BRCA2: variants seen among roughly 807,000 people sequenced by gnomAD.
BRCA2 encodes the protein breast cancer type 2 susceptibility protein.
A neutral mutation model predicts 276.7 loss-of-function variants in BRCA2; 203 were observed. The ratio of observed to expected loss-of-function variants is 0.73; its 90% CI spans 0.65 to 0.82. The LOEUF is 0.82. BRCA2 is among the 40% of genes least tolerant of loss of function. BRCA2 has a pLI of 0.00. For synonymous variants in BRCA2, 1,289 were observed against 1,338.4 expected, an observed-to-expected ratio of 0.96 and a Z score of 0.81; for missense variants, 3,920 against 3,915.0, an observed-to-expected ratio of 1.00 and a Z score of -0.03.
intron 24 of BRCA2, chr13:32,386,001 T>C (rs922333334): frequency 2.3e-5 from 4 of 176,386 alleles, no homozygotes; most frequent in Admixed American, 5.6e-5. Flanking sequence ...TTAAGCCTCC[T>C]TAGGTTTCTG....
intron 18 of BRCA2, among the ~76,000 whole-genome samples, chr13:32,367,496 C>T (rs930893483): frequency 1.3e-5 from 2 of 151,634 alleles, no homozygotes; most frequent in African/African-American, 4.8e-5. Flanking sequence ...ATGATAACTT[C>T]TATTCTCATT....
intron 3 of BRCA2, among the ~76,000 whole-genome samples, chr13:32,320,983 G>A (rs2138708913): frequency 6.6e-6 from 1 of 152,258 alleles, no homozygotes; most frequent in East Asian, 1.9e-4. Flanking sequence ...CTACCTGAAT[G>A]ATCCCTATAG....
rs876659513 is a variant in BRCA2 at position 32,333,093 on chromosome 13, G to A, written c.1615G>A (p.Gly539Arg). ...AAAAGAAACTGAAGCCTCTGAAAGTGGACTGGAAATACATACTGTTTGCTC... is the reference window on the plus strand; with the variant it reads ...AAAAGAAACTGAAGCCTCTGAAAGTAGACTGGAAATACATACTGTTTGCTC... ...FKKETEASESGLEIHTVCSQK... is the reference protein window; with the variant it reads ...FKKETEASESRLEIHTVCSQK... The change falls in exon 10 of 27, where the codon GGA (glycine) becomes AGA (arginine). Residue 539 changes from glycine (G) to arginine (R), a missense_variant. Physicochemically the swap from Gly to Arg is moderately radical, Grantham distance 125. Around this residue, in one of 2 missense-constraint regions of BRCA2, gnomAD observed 3,263 missense variants for 3,156.9 expected, o/e 1.03. Transcript: ENST00000380152. 1.9e-6 allele frequency: 3 copies of A among 1,612,908 alleles called. No individual in the cohort carries two copies. Among genetic ancestry groups the A allele is most frequent in the Non-Finnish European group, 2.5e-6 (3 of 1,179,776 alleles).
chr13:32,362,591 G>T lies in BRCA2; in HGVS notation c.7874G>T (p.Arg2625Ile), dbSNP rs864622552. Residue 2625 changes from arginine to isoleucine, a missense_variant, in exon 17 of 27, where the codon AGA (arginine) becomes ATA (isoleucine). Arg to Ile is a moderately conservative substitution (Grantham distance 97). Around this residue, in one of 2 missense-constraint regions of BRCA2, gnomAD observed 3,263 missense variants for 3,156.9 expected, o/e 1.03. Transcript: ENST00000380152. ...ISRIWVYNHYRWIIWKLAAME... is the reference protein window; with the variant it reads ...ISRIWVYNHYIWIIWKLAAME... ...AGAATTTGGGTTTATAATCACTATA[G>T]ATGGATCATATGGAAACTGGCAGCT... 6.2e-7 allele frequency: 1 copy of T among 1,614,108 alleles called. No individual in the cohort carries two copies. Among genetic ancestry groups the T allele is most frequent in the Non-Finnish European group, 8.5e-7 (1 of 1,179,976 alleles).
At position 32,379,351 on chromosome 13, in the gene BRCA2, A is replaced by G. The variant is rs397508008; in HGVS notation, c.8789A>G (p.Asn2930Ser). 1 of 1,613,898 alleles carries G rather than the reference A, an allele frequency of 6.2e-7. No individual in the cohort carries two copies. Among genetic ancestry groups the G allele is most frequent in the Non-Finnish European group, 8.5e-7 (1 of 1,179,870 alleles). ...YFSEEQLRAL[N>S]NHRQMLNDKK... ...AGTGAAGAGCAGTTAAGAGCCTTGA[A>G]TAATCACAGGCAAATGTTGAATGAT... Residue 2930 changes from asparagine (N) to serine (S), a missense_variant, in exon 22 of 27, where the codon AAT becomes AGT. Physicochemically the swap from Asn to Ser is conservative, Grantham distance 46 (BLOSUM62 1). Coordinates refer to ENST00000380152, the MANE Select transcript of BRCA2 (RefSeq NM_000059.4).
In BRCA2 at chr13:32,338,417, G is replaced by T. The variant is rs768735660; in HGVS notation, c.4062G>T (p.Thr1354=). Residue 1354 remains threonine, a synonymous_variant, in exon 11 of 27, where the codon ACG becomes ACT. Transcript: ENST00000380152. ...NDTVCIHKDE[T]DLLFTDQHNI... is the part of the protein sequence containing the mutation. Reference sequence around the variant, plus strand: ...CTGTTTGTATTCATAAAGATGAAACGGACTTGCTATTTACTGATCAGCACA... The same window carrying T: ...CTGTTTGTATTCATAAAGATGAAACTGACTTGCTATTTACTGATCAGCACA... 2 of 1,605,072 alleles carry T rather than the reference G, an allele frequency of 1.2e-6. No individual in the cohort carries two copies. Among genetic ancestry groups the T allele is most frequent in the Admixed American group, 1.7e-5 (1 of 58,080 alleles).
rs749258007 is a variant in BRCA2, at chr13:32,337,060, C to T, written c.2705C>T (p.Ala902Val). The change falls in exon 11 of 27, where the codon GCT (alanine) becomes GTT (valine). Residue 902 changes from alanine to valine, a missense_variant. This residue lies in a region of BRCA2 where 3,263 missense variants were observed against 3,156.9 expected (regional missense o/e 1.03). Transcript: ENST00000380152. ...FQVANERNNL[A>V]LGNTKELHET... is the part of the protein sequence containing the mutation. ...GTAGCTAATGAAAGGAATAATCTTG[C>T]TTTAGGAAATACTAAGGAACTTCAT... 4 of 1,605,758 alleles carry T rather than the reference C, an allele frequency of 2.5e-6. No homozygotes were observed. Among genetic ancestry groups the T allele is most frequent in the Non-Finnish European group, 3.4e-6 (4 of 1,177,856 alleles).
intron 3 of BRCA2, 82 bp from the exon 4 acceptor site, chr13:32,324,994 T>G: frequency 1.0e-6 from 1 of 1,001,950 alleles, no homozygotes. Context: ...AGAGGAGACT[T>G]TTTGTTTTTA....
At chr13:32,358,569 A>C (rs2072717295) in intron 16 of BRCA2, among the ~76,000 whole-genome samples, 2 of 152,104 alleles carry the variant, frequency 1.3e-5, no homozygotes, top group South Asian at 4.1e-4. Flanking sequence ...AGGTGGGCAG[A>C]TCTCTTGAGC....
intron 20 of BRCA2, among the ~76,000 whole-genome samples, chr13:32,374,066 G>C (rs2072854404): frequency 6.6e-6 from 1 of 152,248 alleles, no homozygotes; most frequent in African/African-American, 2.4e-5. Context: ...GCAATGGCCT[G>C]ATCTGTACCT....
rs11571626 is a variant in BRCA2 at position 32,329,701 on chromosome 13, C to T, written c.681+209C>T. 0.011 allele frequency among the ~76,000 whole-genome samples: 1,713 copies of T among 152,022 alleles called. 34 individuals are homozygous for T. Among genetic ancestry groups the T allele is most frequent in the African/African-American group, 0.039 (1,627 of 41,434 alleles). Reference sequence around the variant, plus strand: ...AAAGTTGCATATATACAATATATACCGTAGTCCCCTATTCATGGGGTATAC... The same window carrying T: ...AAAGTTGCATATATACAATATATACTGTAGTCCCCTATTCATGGGGTATAC... On this transcript the variant is annotated intron_variant, in intron 8 of 26. Transcript: ENST00000380152.
chr13:32,391,885 AC>A (rs2072999476), intron 24 of BRCA2, among the ~76,000 whole-genome samples: 1 of 152,254 alleles, frequency 6.6e-6, no homozygotes, highest in South Asian at 2.1e-4. Context: ...ACCTCCACTT[AC>A]GTAAAAGTGC....
rs587782038 is a variant in BRCA2, at chr13:32,341,092, C to G, written c.6737C>G (p.Pro2246Arg). ...EDDELTDSKLPSHATHSLFTC... is the reference protein window; with the variant it reads ...EDDELTDSKLRSHATHSLFTC... ...GATGAACTGACAGATTCTAAACTGC[C>G]AAGTCATGCCACACATTCTCTTTTT... is the stretch of plus-strand genomic sequence containing the variant. Residue 2246 changes from proline (P) to arginine (R), a missense_variant, in exon 11 of 27, where the codon CCA becomes CGA. Around this residue, in one of 2 missense-constraint regions of BRCA2, gnomAD observed 3,263 missense variants for 3,156.9 expected, o/e 1.03. Transcript: ENST00000380152. 3 of 1,613,894 alleles carry G rather than the reference C, an allele frequency of 1.9e-6. No homozygotes were observed. Among genetic ancestry groups the G allele is most frequent in the Non-Finnish European group, 2.5e-6 (3 of 1,179,908 alleles).
rs587782822 is a variant in BRCA2 at position 32,339,027 on chromosome 13, A to G, written c.4672A>G (p.Ser1558Gly). 6.2e-7 allele frequency: 1 copy of G among 1,614,052 alleles called. No homozygotes were observed. The highest frequency in any genetic ancestry group is 8.5e-7 in the Non-Finnish European group (1 of 1,179,940). The change falls in exon 11 of 27, where the codon AGT (serine) becomes GGT (glycine). Residue 1558 changes from serine (S) to glycine (G), a missense_variant. This residue lies in a region of BRCA2 where 3,263 missense variants were observed against 3,156.9 expected (regional missense o/e 1.03). Transcript: ENST00000380152. Reference protein sequence around the residue: ...EKEQGTSEITSFSHQWAKTLK... With the variant: ...EKEQGTSEITGFSHQWAKTLK... ...AGAGCAAGGTACTAGTGAAATCACCAGTTTTAGCCATCAATGGGCAAAGAC... is the reference window on the plus strand; with the variant it reads ...AGAGCAAGGTACTAGTGAAATCACCGGTTTTAGCCATCAATGGGCAAAGAC...
Position 32,332,866 on chromosome 13 carries a change from CAG to C in BRCA2, c.1389_1390del (p.Val464GlyfsTer3), listed in dbSNP as rs80359283. ...TCAGAGAAGCCATTAAATGAGGAAA[CAG>C]TGGTAAATAAGAGAGATGAAGAGCA... On this transcript the variant is annotated frameshift_variant, in exon 10 of 27. Coordinates refer to ENST00000380152, the MANE Select transcript of BRCA2 (RefSeq NM_000059.4). LOFTEE classifies it high-confidence loss of function. 2.5e-6 allele frequency: 4 copies of C among 1,611,826 alleles called. No individual in the cohort carries two copies. Among genetic ancestry groups the C allele is most frequent in the Non-Finnish European group, 3.4e-6 (4 of 1,179,540 alleles).
At position 32,371,009 on chromosome 13, in the gene BRCA2, A is replaced by C. The variant is rs1555287759; in HGVS notation, c.8541A>C (p.Glu2847Asp). The change falls in exon 20 of 27, where the codon GAA (glutamate) becomes GAC (aspartate). Residue 2847 changes from glutamate (E) to aspartate (D), a missense_variant. Physicochemically the swap from Glu to Asp is conservative, Grantham distance 45. Transcript: ENST00000380152. Reference sequence around the variant, plus strand: ...ACATATTTCGCAATGAAAGAGAGGAAGAAAAGGAAGCAGCAAAATATGTGG... The same window carrying C: ...ACATATTTCGCAATGAAAGAGAGGACGAAAAGGAAGCAGCAAAATATGTGG... The part of the protein sequence containing the change: ...GLYIFRNERE[E>D]EKEAAKYVEA... 6 of 1,614,164 alleles carry C rather than the reference A, an allele frequency of 3.7e-6. No individual in the cohort carries two copies. The highest frequency in any genetic ancestry group is 5.1e-6 in the Non-Finnish European group (6 of 1,179,996).
chr13:32,370,541 G>A lies in BRCA2; in HGVS notation c.8471G>A (p.Arg2824Lys). Residue 2824 changes from arginine (R) to lysine (K), a missense_variant, in exon 19 of 27, where the codon AGA becomes AAA. Around this residue, in one of 2 missense-constraint regions of BRCA2, gnomAD observed 657 missense variants for 758.2 expected, o/e 0.87. Transcript: ENST00000380152. ...GGTTGTGTTGATGTAATTATTCAAAGAGCATACCCTATACAGGTATGATGT... is the reference window on the plus strand; with the variant it reads ...GGTTGTGTTGATGTAATTATTCAAAAAGCATACCCTATACAGGTATGATGT... ...NVGCVDVIIQRAYPIQWMEKT... is the reference protein window; with the variant it reads ...NVGCVDVIIQKAYPIQWMEKT... The A allele has an allele frequency of 6.2e-7, 1 of 1,613,346 alleles. No homozygotes were observed. Among genetic ancestry groups the A allele is most frequent in the Non-Finnish European group, 8.5e-7 (1 of 1,179,306 alleles).
intron 24 of BRCA2, chr13:32,385,219 C>T (rs2072951007): frequency 1.6e-5 from 3 of 192,158 alleles, no homozygotes; most frequent in Non-Finnish European, 3.3e-5. Context: ...CACCGCCTGT[C>T]GCCTGGATGG....
At chr13:32,318,476 C>G (rs925214552) in intron 2 of BRCA2, among the ~76,000 whole-genome samples, 9 of 150,772 alleles carry the variant, frequency 6.0e-5, no homozygotes, top group African/African-American at 2.2e-4. Context: ...CAGTCTTGCT[C>G]TGTTGCCCAG....
Sources: gnomAD v4.1 joint callset for allele counts (sites outside exome capture counted in the v4.1 genomes callset) on GRCh38, gnomAD v4.1.1 for gene constraint, gnomAD v4.1.1 regional missense constraint, MANE v1.5 for transcripts, NCBI Gene and HGNC (gene_info 2026-07-23, HGNC 2026-07-21) for gene names.